Variants in RPS6KC1 observed in about 807,000 individuals in gnomAD.
RPS6KC1 encodes ribosomal protein S6 kinase C1.
In RPS6KC1, 54 loss-of-function variants were observed where a neutral mutation model predicts 103.8. That is an observed-to-expected ratio of 0.52 (90% CI 0.42 to 0.65). The LOEUF (loss-of-function observed/expected upper bound fraction) is 0.65, where lower values mean the gene tolerates loss of function less well. Ranked by LOEUF, RPS6KC1 falls within the 30% of genes least tolerant of loss-of-function variation. The pLI is 0.00. For synonymous variants in RPS6KC1, 439 were observed against 438.7 expected (o/e 1.00, Z -0.01); for missense variants, 1,151 against 1,253.8 (o/e 0.92, Z 1.24).
At chr1:213,751,949 T>C in the RPS6KC1 span, among the ~76,000 whole-genome samples, 2 of 152,336 alleles carry the variant, frequency 1.3e-5, no homozygotes, top group Admixed American at 6.5e-5. Flanking sequence ...CACTACCCTT[T>C]ACCAGCTATG....
intron 12 of RPS6KC1, among the ~76,000 whole-genome samples, chr1:213,254,080 G>C (rs2094591506): frequency 6.6e-6 from 1 of 152,162 alleles, no homozygotes; most frequent in Admixed American, 6.5e-5. Flanking sequence ...TGTTAAACAT[G>C]AGTAAAGCAA....
chr1:213,484,496 G>C, the RPS6KC1 span, among the ~76,000 whole-genome samples: 1 of 152,206 alleles, frequency 6.6e-6, no homozygotes, highest in Non-Finnish European at 1.5e-5. Context: ...CATGACAAAT[G>C]GCTTTCCCTA....
chr1:213,588,394 G>T, the RPS6KC1 span, among the ~76,000 whole-genome samples: 4 of 151,598 alleles, frequency 2.6e-5, no homozygotes, highest in East Asian at 7.8e-4. Flanking sequence ...TGCCTCCTGG[G>T]TTCACACCAT....
At chr1:213,280,391 T>C in the RPS6KC1 span, among the ~76,000 whole-genome samples, 1 of 152,220 alleles carries the variant, frequency 6.6e-6, no homozygotes, top group Non-Finnish European at 1.5e-5. Context: ...TGATGACTTG[T>C]ATAGTGTTGG....
chr1:213,536,454 T>C, the RPS6KC1 span, among the ~76,000 whole-genome samples: 1 of 152,318 alleles, frequency 6.6e-6, no homozygotes, highest in East Asian at 1.9e-4. Context: ...TGCTAATGAA[T>C]ATAAACTGCA....
the RPS6KC1 span, among the ~76,000 whole-genome samples, chr1:213,583,970 C>A: frequency 6.6e-6 from 1 of 152,138 alleles, no homozygotes; most frequent in Non-Finnish European, 1.5e-5. Flanking sequence ...TGTCCCCACC[C>A]AAATCTCATC....
chr1:213,522,953 T>C, the RPS6KC1 span, among the ~76,000 whole-genome samples: 2 of 152,250 alleles, frequency 1.3e-5, no homozygotes, highest in Non-Finnish European at 2.9e-5. Context: ...CATTCACAAC[T>C]GGGGTAGCAG....
chr1:213,789,843 G>C, the RPS6KC1 span, among the ~76,000 whole-genome samples: 1 of 152,156 alleles, frequency 6.6e-6, no homozygotes, highest in African/African-American at 2.4e-5. Flanking sequence ...CTGTACTGGA[G>C]ACTTTTGAAT....
the RPS6KC1 span, among the ~76,000 whole-genome samples, chr1:213,786,618 A>G: frequency 6.6e-6 from 1 of 152,348 alleles, no homozygotes; most frequent in East Asian, 1.9e-4. Flanking sequence ...TATTAGAAGA[A>G]CAGCTAAAAG....
the RPS6KC1 span, among the ~76,000 whole-genome samples, chr1:213,831,624 C>A: frequency 6.6e-6 from 1 of 152,184 alleles, no homozygotes; most frequent in African/African-American, 2.4e-5. Context: ...CCTATGGAAA[C>A]ATAAAGATTT....
intron 12 of RPS6KC1, among the ~76,000 whole-genome samples, chr1:213,259,145 C>T (rs1032916529): frequency 6.6e-6 from 1 of 152,186 alleles, no homozygotes; most frequent in African/African-American, 2.4e-5. Context: ...GATTGGTTTA[C>T]GTAGTTTTTC....
chr1:213,146,190 G>A (rs2087801219), intron 6 of RPS6KC1, among the ~76,000 whole-genome samples: 1 of 149,770 alleles, frequency 6.7e-6, no homozygotes, highest in Non-Finnish European at 1.5e-5. Context: ...ATAATTTTCA[G>A]TTCCATCCAT....
chr1:213,305,651 G>T, the RPS6KC1 span, among the ~76,000 whole-genome samples: 3 of 152,172 alleles, frequency 2.0e-5, no homozygotes, highest in Non-Finnish European at 4.4e-5. Context: ...GAAGAGTTAG[G>T]AGTAAAGGCT....
chr1:213,169,711 G>C (rs547469969), intron 7 of RPS6KC1, among the ~76,000 whole-genome samples: 1 of 151,242 alleles, frequency 6.6e-6, no homozygotes, highest in Non-Finnish European at 1.5e-5. Context: ...AATTCCCTGT[G>C]AACTTGCTTT....
chr1:213,788,191 A>G, the RPS6KC1 span, among the ~76,000 whole-genome samples: 3 of 152,194 alleles, frequency 2.0e-5, no homozygotes, highest in Non-Finnish European at 4.4e-5. Context: ...TGCTGAAATG[A>G]TCTTTACCAC....
the RPS6KC1 span, among the ~76,000 whole-genome samples, chr1:213,672,741 T>G: frequency 6.6e-6 from 1 of 152,202 alleles, no homozygotes; most frequent in Admixed American, 6.5e-5. Flanking sequence ...AGCTTTCCCC[T>G]GAGCTTCACA....
chr1:213,737,439 A>G, the RPS6KC1 span, among the ~76,000 whole-genome samples: 1 of 152,216 alleles, frequency 6.6e-6, no homozygotes, highest in African/African-American at 2.4e-5. Context: ...AGCAACCTGG[A>G]AACAGGTAGG....
the RPS6KC1 span, among the ~76,000 whole-genome samples, chr1:213,388,889 C>G: frequency 6.6e-6 from 1 of 152,256 alleles, no homozygotes; most frequent in African/African-American, 2.4e-5. Flanking sequence ...CCCCTGTCTT[C>G]TTTCAGATGA....
At chr1:213,746,937 CA>C in the RPS6KC1 span, among the ~76,000 whole-genome samples, 2 of 152,280 alleles carry the variant, frequency 1.3e-5, no homozygotes, top group Admixed American at 6.5e-5. Context: ...CTGTGTTAGA[CA>C]TCCAAGTGGA....
Sources: allele counts gnomAD v4.1 joint callset (sites outside exome capture counted in the v4.1 genomes callset), GRCh38; gene constraint gnomAD v4.1.1; transcripts MANE v1.5; gene names NCBI Gene and HGNC (gene_info 2026-07-23, HGNC 2026-07-21).